NMT2: variants seen among roughly 807,000 people sequenced by gnomAD.
NMT2 encodes glycylpeptide N-tetradecanoyltransferase 2.
A neutral mutation model predicts 65.4 loss-of-function variants in NMT2; 35 were observed. The ratio of observed to expected loss-of-function variants is 0.54; its 90% CI spans 0.41 to 0.71. The LOEUF (loss-of-function observed/expected upper bound fraction) is 0.71, where lower values mean the gene tolerates loss of function less well. NMT2 is among the 30% of genes least tolerant of loss of function. The pLI, the probability that NMT2 is intolerant of heterozygous loss-of-function variation, is 0.00. For synonymous variants in NMT2, 226 were observed against 231.8 expected (o/e 0.98, Z 0.23); for missense variants, 489 against 611.3 (o/e 0.80, Z 2.11).
intron 8 of NMT2, among the ~76,000 whole-genome samples, chr10:15,127,546 C>CAAAAAAAAAAAAAAA (rs1239422956): frequency 5.8e-5 from 3 of 51,390 alleles, no homozygotes; most frequent in African/African-American, 9.9e-5. Flanking sequence ...GACTCCGTCT[C>CAAAAAAAAAAAAAAA]AAAAAAAAAA....
At chr10:15,112,212 ATATATTTTTTTTTTTTTT>A (rs1845576043) in intron 10 of NMT2, among the ~76,000 whole-genome samples, 3 of 17,636 alleles carry the variant, frequency 1.7e-4, no homozygotes, top group African/African-American at 1.1e-3. Context: ...ATATATATAT[ATATATTTTTTTTTTTTTT>A]TTTTTTTTTT....
At chr10:15,165,217 A>C (rs562399362) in intron 1 of NMT2, among the ~76,000 whole-genome samples, 1 of 151,874 alleles carries the variant, frequency 6.6e-6, no homozygotes, top group Non-Finnish European at 1.5e-5. Flanking sequence ...ACTGCCACCC[A>C]TAGCAGAACA....
At position 15,111,989 on chromosome 10, in the gene NMT2, T is replaced by C. The variant is rs559418490; in HGVS notation, c.1338+807A>G. On this transcript the variant is annotated intron_variant, in intron 10 of 11. Transcript: ENST00000378165. Reference sequence around the variant, plus strand: ...CTATCACACCCTGCTAATTTTTGTATTTTTAGTAGAGACAGGGTTTCACCA... The same window carrying C: ...CTATCACACCCTGCTAATTTTTGTACTTTTAGTAGAGACAGGGTTTCACCA... Among the ~76,000 whole-genome samples the C allele has an allele frequency of 6.0e-5, 9 of 150,478 alleles. No homozygotes were observed. The East Asian group carries it at 1.4e-3, about 23-fold the overall frequency.
At chr10:15,138,164 C>T (rs1280396000) in intron 2 of NMT2, among the ~76,000 whole-genome samples, 5 of 152,142 alleles carry the variant, frequency 3.3e-5, no homozygotes, top group East Asian at 1.9e-4. Context: ...GCTTGTGCCA[C>T]CACGCCTGGC....
At chr10:15,129,001 G>A (rs554295379) in intron 7 of NMT2, among the ~76,000 whole-genome samples, 15 of 152,052 alleles carry the variant, frequency 9.9e-5, no homozygotes, top group African/African-American at 3.1e-4. Context: ...GAGCAAGACC[G>A]TCTCACACAC....
rs1845358104 is a variant in NMT2, at chr10:15,107,826, C to T, written c.*1369G>A. On this transcript the variant is annotated 3_prime_UTR_variant, in exon 12 of 12. Coordinates refer to ENST00000378165, the MANE Select transcript of NMT2 (RefSeq NM_004808.3). ...CTCGGTTAGCATCTTATTTTTCCCG[C>T]AGATTATTGGCAATATAAACACACA... The T allele has an allele frequency of 2.0e-6, 2 of 985,630 alleles. No homozygotes were observed. Among genetic ancestry groups the T allele is most frequent in the South Asian group, 9.4e-5 (2 of 21,284 alleles). 61.1% of individuals were successfully genotyped at this position (985,630 alleles called of 1,614,324 possible).
chr10:15,127,591 TAAATA>T (rs1564568551), intron 8 of NMT2, among the ~76,000 whole-genome samples: 1 of 103,522 alleles, frequency 9.7e-6, no homozygotes, highest in Non-Finnish European at 2.0e-5. Context: ...AATAAATAAA[TAAATA>T]AAATAAAATA....
chr10:15,113,023 C>T (rs941997277), intron 9 of NMT2, 60 bp from the exon 10 acceptor site: 2 of 1,486,580 alleles, frequency 1.3e-6, no homozygotes, highest in Non-Finnish European at 1.9e-6. Flanking sequence ...ACGTGCATTT[C>T]CACTAACTCT....
intron 3 of NMT2, among the ~76,000 whole-genome samples, chr10:15,134,939 T>C (rs1431184283): frequency 1.3e-5 from 2 of 152,122 alleles, no homozygotes; most frequent in East Asian, 3.9e-4. Flanking sequence ...TGAGCTATGA[T>C]CATGCCACTG....
At chr10:15,139,851 T>G (rs1181629006) in intron 2 of NMT2, 1 of 113,878 alleles carries the variant, frequency 8.8e-6, no homozygotes, top group Non-Finnish European at 1.8e-5. Flanking sequence ...GCTTGTAGAA[T>G]GGTAACAACT....
intron 8 of NMT2, among the ~76,000 whole-genome samples, chr10:15,121,763 C>T (rs191861543): frequency 2.0e-5 from 3 of 152,074 alleles, no homozygotes; most frequent in African/African-American, 4.8e-5. Context: ...GATTGATTAT[C>T]GATTAGCTGG....
At chr10:15,133,868 G>C (rs1410761283) in intron 3 of NMT2, among the ~76,000 whole-genome samples, 1 of 152,188 alleles carries the variant, frequency 6.6e-6, no homozygotes, top group Non-Finnish European at 1.5e-5. Context: ...GATTGTAGGT[G>C]TGAGCCACCA....
chr10:15,162,874 T>C (rs1833246678), intron 1 of NMT2, among the ~76,000 whole-genome samples: 1 of 148,506 alleles, frequency 6.7e-6, no homozygotes, highest in South Asian at 2.1e-4. Context: ...ATATATTTGA[T>C]ATCTTTTGAT....
intron 1 of NMT2, among the ~76,000 whole-genome samples, chr10:15,161,253 C>T (rs1360591241): frequency 2.0e-5 from 3 of 151,966 alleles, no homozygotes; most frequent in Non-Finnish European, 4.4e-5. Context: ...ATGGCATTTT[C>T]AGACATGCAA....
At chr10:15,118,103 C>G (rs144620459) in intron 9 of NMT2, among the ~76,000 whole-genome samples, 5 of 152,272 alleles carry the variant, frequency 3.3e-5, no homozygotes, top group African/African-American at 9.6e-5. Flanking sequence ...ATTACTCTAC[C>G]TGATACTAAG....
In NMT2 at chr10:15,106,239, C is replaced by T. The variant is rs45590436; in HGVS notation, c.*2956G>A. On this transcript the variant is annotated 3_prime_UTR_variant, in exon 12 of 12. Transcript: ENST00000378165. The stretch of plus-strand genomic sequence containing the variant: ...AAGACTCCTGACCTCAAGTGATCTG[C>T]TCACCTTGGCCTCCCAAAGTGCAGG... The T allele has an allele frequency of 0.019, 3,461 of 177,510 alleles. 59 individuals carry two copies. Among genetic ancestry groups the T allele is most frequent in the South Asian group, 0.047 (565 of 12,080 alleles). The allele number at this position is 177,510 out of a possible 1,614,324, so 11.0% of individuals were successfully genotyped here. A position where few individuals can be genotyped will look rare whatever the true frequency, so the allele number is the denominator to read the frequency against.
chr10:15,121,026 C>G lies in NMT2; in HGVS notation c.1000-1513G>C, dbSNP rs995202989. ...TCAGCTGTTGTCCTTGTAAAAGCTC[C>G]TGACATCACTTTGCTCTCTAGAACT... On this transcript the variant is annotated intron_variant, in intron 8 of 11. Transcript: ENST00000378165. 7.9e-5 allele frequency among the ~76,000 whole-genome samples: 12 copies of G among 152,188 alleles called. 1 individual carries two copies. The highest frequency in any genetic ancestry group is 2.7e-4 in the African/African-American group (11 of 41,442).
chr10:15,127,560 A>AAT lies in NMT2; in HGVS notation c.999+789_999+790insAT, dbSNP rs1564568333. On this transcript the variant is annotated intron_variant, in intron 8 of 11. Transcript: ENST00000378165. ...AGACTCCGTCTCAAAAAAAAAAAAA[A>AAT]AAAAAAAAAATAAATAAATAAATAA... Among the ~76,000 whole-genome samples the AAT allele has an allele frequency of 1.4e-4, 13 of 95,164 alleles. 1 individual carries two copies. Among genetic ancestry groups the AAT allele is most frequent in the African/African-American group, 2.0e-4 (2 of 10,208 alleles). 62.4% of individuals were successfully genotyped at this position (95,164 alleles called of 152,430 possible).
At chr10:15,135,956 G>T (rs1341621972) in intron 2 of NMT2, among the ~76,000 whole-genome samples, 1 of 151,930 alleles carries the variant, frequency 6.6e-6, no homozygotes, top group East Asian at 1.9e-4. Flanking sequence ...ATCGGCAGTG[G>T]TGTCTCACGC....
Sources: allele counts gnomAD v4.1 joint callset (sites outside exome capture counted in the v4.1 genomes callset), GRCh38; gene constraint gnomAD v4.1.1; transcripts MANE v1.5; gene names NCBI Gene and HGNC (gene_info 2026-07-23, HGNC 2026-07-21).